PKHD1: variants seen among roughly 807,000 people sequenced by gnomAD.
The protein encoded by PKHD1 is fibrocystin.
PKHD1 carries 291 observed loss-of-function variants against 412.0 expected under a neutral mutation model. The observed-to-expected ratio is 0.71, with a 90% CI of 0.64 to 0.78. The LOEUF is 0.78. Among genes scored for constraint, PKHD1 ranks in the 30% least tolerant of loss-of-function variants. PKHD1 has a pLI of 0.00. For synonymous variants in PKHD1, 1,777 were observed against 1,821.5 expected (o/e 0.98, Z 0.62); for missense variants, 4,825 against 4,950.7 (o/e 0.97, Z 0.76).
chr6:51,996,494 A>G (rs1317059511), intron 35 of PKHD1, among the ~76,000 whole-genome samples: 1 of 152,186 alleles, frequency 6.6e-6, no homozygotes, highest in Non-Finnish European at 1.5e-5. Flanking sequence ...AGCTGCTGTC[A>G]TTTTGAAACA....
chr6:51,787,078 C>A (rs1038980777), intron 53 of PKHD1, among the ~76,000 whole-genome samples: 1 of 152,094 alleles, frequency 6.6e-6, no homozygotes, highest in Non-Finnish European at 1.5e-5. Flanking sequence ...GCAGGACCAC[C>A]GGCTGGGCAT....
At chr6:51,621,528 A>AT (rs1766614586) in intron 66 of PKHD1, among the ~76,000 whole-genome samples, 1 of 152,178 alleles carries the variant, frequency 6.6e-6, no homozygotes, top group African/African-American at 2.4e-5. Context: ...TTCATTGGAA[A>AT]TCTTTTCCCC....
chr6:51,782,449 C>T (rs1792180532), intron 53 of PKHD1, among the ~76,000 whole-genome samples: 1 of 152,096 alleles, frequency 6.6e-6, no homozygotes, highest in African/African-American at 2.4e-5. Flanking sequence ...TTTAGTGTTT[C>T]CTGAACCTCT....
intron 36 of PKHD1, among the ~76,000 whole-genome samples, chr6:51,942,731 C>T (rs973743060): frequency 1.4e-4 from 21 of 151,624 alleles, no homozygotes; most frequent in Admixed American, 1.1e-3. Flanking sequence ...TACCACACAC[C>T]AGCAAAGGCA....
Position 51,784,791 on chromosome 6 carries a change from C to A in PKHD1, c.8440+6445G>T, listed in dbSNP as rs145551876. Among the ~76,000 whole-genome samples, 157 of 152,238 alleles carry A rather than the reference C, an allele frequency of 1.0e-3. 2 individuals carry two copies. The highest frequency in any genetic ancestry group is 3.7e-3 in the African/African-American group (152 of 41,548). ...ACAAAGCACATTTCTCCCTCGGGAC[C>A]TTTGCACTAGCTCTCCCTCAGCCTG... On this transcript the variant is annotated intron_variant, in intron 53 of 66. Coordinates refer to ENST00000371117, the MANE Select transcript of PKHD1 (RefSeq NM_138694.4).
At chr6:52,065,119 G>A (rs1809354593) in intron 12 of PKHD1, 69 bp from the exon 13 acceptor site, 1 of 491,172 alleles carries the variant, frequency 2.0e-6, no homozygotes, top group African/African-American at 2.2e-5. Context: ...ATATGTGTGT[G>A]GGTATATGTA....
intron 28 of PKHD1, among the ~76,000 whole-genome samples, chr6:52,034,016 C>A (rs1214802428): frequency 6.6e-6 from 1 of 151,918 alleles, no homozygotes; most frequent in Non-Finnish European, 1.5e-5. Context: ...GTAATTCAAG[C>A]TACTCAGGAA....
chr6:52,012,559 A>T (rs1426499320), intron 34 of PKHD1, among the ~76,000 whole-genome samples: 2 of 152,398 alleles, frequency 1.3e-5, no homozygotes, highest in South Asian at 4.1e-4. Flanking sequence ...AAGGAAAAGC[A>T]AAGTAATTTA....
rs764210835 is a variant in PKHD1 at position 52,025,345 on chromosome 6, C to G, written c.4465G>C (p.Asp1489His). Residue 1489 changes from aspartate to histidine, a missense_variant, in exon 32 of 67, where the codon GAT (aspartate) becomes CAT (histidine). Physicochemically the swap from Asp to His is moderately conservative, Grantham distance 81. Transcript: ENST00000371117. ...CCACTGGTGTTTGTGGACAAGGCAT[C>G]CATGACAGGACTTGCCTCTTCCCTT... is the stretch of plus-strand genomic sequence containing the variant. ...FIREEASPVM[D>H]ALSTNTSGSL... The G allele has an allele frequency of 1.1e-5, 17 of 1,614,082 alleles. No homozygotes were observed. The Middle Eastern group carries it at 1.6e-3, about 157-fold the overall frequency.
intron 3 of PKHD1, among the ~76,000 whole-genome samples, chr6:52,082,820 T>A (rs186415419): frequency 2.2e-4 from 34 of 152,322 alleles, no homozygotes; most frequent in Admixed American, 1.9e-3. Flanking sequence ...TGCTAAGCAA[T>A]GGTGCAGAAG....
intron 46 of PKHD1, among the ~76,000 whole-genome samples, chr6:51,878,973 GACAA>G (rs1562518815): frequency 2.2e-5 from 2 of 89,294 alleles, no homozygotes; most frequent in African/African-American, 5.4e-5. Flanking sequence ...ACCAAAAACA[GACAA>G]ACAGAGAGCC....
intron 35 of PKHD1, among the ~76,000 whole-genome samples, chr6:51,987,730 AC>A (rs1197107863): frequency 2.0e-5 from 3 of 148,868 alleles, no homozygotes; most frequent in Admixed American, 6.7e-5. Flanking sequence ...TTTTTCTAAG[AC>A]CTTTTTTTTT....
At chr6:52,060,099 A>G in intron 14 of PKHD1, 57 bp from the exon 15 acceptor site, 1 of 886,816 alleles carries the variant, frequency 1.1e-6, no homozygotes, top group Admixed American at 1.7e-5. Flanking sequence ...TCACTGAACC[A>G]ACAAATGACT....
chr6:51,694,785 G>C (rs565105743), intron 60 of PKHD1, among the ~76,000 whole-genome samples: 1 of 152,122 alleles, frequency 6.6e-6, no homozygotes, highest in Non-Finnish European at 1.5e-5. Context: ...GGGACTGTGT[G>C]TATAAACAGA....
intron 10 of PKHD1, 35 bp from the exon 11 acceptor site, chr6:52,069,562 A>G: frequency 1.3e-6 from 2 of 1,537,532 alleles, no homozygotes; most frequent in Non-Finnish European, 1.8e-6. Flanking sequence ...TTGAATGAAA[A>G]TATCAACTGG....
intron 60 of PKHD1, among the ~76,000 whole-genome samples, chr6:51,719,487 C>T (rs1305065527): frequency 6.6e-6 from 1 of 152,094 alleles, no homozygotes; most frequent in Non-Finnish European, 1.5e-5. Flanking sequence ...CACTACATGC[C>T]AGTAGCACCC....
chr6:51,733,535 C>CAAA (rs11381839), intron 60 of PKHD1, among the ~76,000 whole-genome samples: 4 of 129,122 alleles, frequency 3.1e-5, no homozygotes, highest in Admixed American at 1.6e-4. Flanking sequence ...GACTCCCTCT[C>CAAA]AAAAAAAAAA....
chr6:51,896,146 C>A (rs1355946442), intron 43 of PKHD1, among the ~76,000 whole-genome samples: 1 of 152,180 alleles, frequency 6.6e-6, no homozygotes. Flanking sequence ...CCCGGAAGCT[C>A]GAACTGGGTG....
chr6:51,955,197 A>T (rs1364128365), intron 36 of PKHD1, among the ~76,000 whole-genome samples: 1 of 150,664 alleles, frequency 6.6e-6, no homozygotes. Flanking sequence ...CCTAAAAAAT[A>T]TTTTTTTTTT....
Sources: gnomAD v4.1 joint callset for allele counts (sites outside exome capture counted in the v4.1 genomes callset) on GRCh38, gnomAD v4.1.1 for gene constraint, MANE v1.5 for transcripts, NCBI Gene and HGNC (gene_info 2026-07-23, HGNC 2026-07-21) for gene names.